Variants in CFAP161 observed in about 807,000 individuals in gnomAD.
The protein encoded by CFAP161 is cilia- and flagella-associated protein 161.
CFAP161 carries 25 observed loss-of-function variants against 29.0 expected under a neutral mutation model. The observed-to-expected ratio is 0.86, with a 90% CI of 0.63 to 1.20. CFAP161 has a LOEUF of 1.20. Among genes scored for constraint, CFAP161 ranks in the 50% most tolerant of loss-of-function variants. The probability of loss-of-function intolerance (pLI) is 0.00; values close to 1 mark genes in which losing one functional copy is unlikely to be tolerated. For synonymous variants in CFAP161, 116 were observed against 137.4 expected, an observed-to-expected ratio of 0.84 and a Z score of 1.09; for missense variants, 367 against 371.9, an observed-to-expected ratio of 0.99 and a Z score of 0.11.
intron 1 of CFAP161, among the ~76,000 whole-genome samples, chr15:81,111,790 T>A (rs1894442913): frequency 6.6e-6 from 1 of 152,198 alleles, no homozygotes; most frequent in Non-Finnish European, 1.5e-5. Flanking sequence ...CAAATCCTAT[T>A]CATCATTTCT....
upstream of CFAP161, chr15:81,134,251 G>C (rs147528679): frequency 3.0e-3 from 4,570 of 1,511,682 alleles, 30 homozygotes; most frequent in Middle Eastern, 0.02. Flanking sequence ...CCAATCGCCT[G>C]GGGCCGGGTC....
chr15:81,100,698 C>A (rs200280701), intron 1 of CFAP161, among the ~76,000 whole-genome samples: 45 of 76,922 alleles, frequency 5.9e-4, no homozygotes, highest in African/African-American at 9.4e-4. Context: ...TTTCCTCTCT[C>A]TCTCTCTTTT....
At chr15:81,125,374 G>A (rs544909940) in intron 1 of CFAP161, among the ~76,000 whole-genome samples, 1 of 152,038 alleles carries the variant, frequency 6.6e-6, no homozygotes, top group Non-Finnish European at 1.5e-5. Flanking sequence ...TCATTAAACT[G>A]ACAATATTAA....
At chr15:81,104,036 C>T (rs1894333431) in intron 1 of CFAP161, among the ~76,000 whole-genome samples, 1 of 152,118 alleles carries the variant, frequency 6.6e-6, no homozygotes, top group African/African-American at 2.4e-5. Context: ...ATTACTATCC[C>T]CATTTTCCAG....
At chr15:81,143,898 C>T (rs1894960240) in intron 5 of CFAP161, 78 bp downstream of exon 5, 4 of 1,451,268 alleles carry the variant, frequency 2.8e-6, no homozygotes, top group Non-Finnish European at 3.7e-6. Context: ...AACACACAGA[C>T]TTATAGCTCA....
At chr15:81,137,993 T>C (rs368205082) in intron 3 of CFAP161, 58 bp from the exon 4 acceptor site, 22 of 1,328,190 alleles carry the variant, frequency 1.7e-5, no homozygotes, top group Non-Finnish European at 2.2e-5. Context: ...AATAGAGTCA[T>C]AGAATGATTC....
chr15:81,138,204 T>C lies in CFAP161; in HGVS notation c.477+69T>C, dbSNP rs1205863252. The C allele has an allele frequency of 3.2e-6, 4 of 1,249,104 alleles. No individual in the cohort carries two copies. In the East Asian group the frequency reaches 7.0e-5, roughly 22 times the overall value. 77.4% of individuals were successfully genotyped at this position (1,249,104 alleles called of 1,614,324 possible). On this transcript the variant is annotated intron_variant, in intron 4 of 6. Transcript: ENST00000286732. ...GTTGCCCAAAATGGGATCATAACTATCTACTGAAGTGGACAGAGAACTCCA... is the reference window on the plus strand; with the variant it reads ...GTTGCCCAAAATGGGATCATAACTACCTACTGAAGTGGACAGAGAACTCCA...
intron 1 of CFAP161, among the ~76,000 whole-genome samples, chr15:81,103,067 C>CATGATG (rs10626158): frequency 1.1e-4 from 17 of 151,156 alleles, no homozygotes; most frequent in East Asian, 3.9e-4. Flanking sequence ...CGAGGAAGCA[C>CATGATG]ATGATGATGA....
At chr15:81,118,771 T>C (rs1253769112) in intron 1 of CFAP161, among the ~76,000 whole-genome samples, 2 of 152,246 alleles carry the variant, frequency 1.3e-5, no homozygotes, top group African/African-American at 2.4e-5. Context: ...AGAGAATGTA[T>C]TTTTATTGAA....
In CFAP161 at chr15:81,135,333, A is replaced by G. The variant is rs1294714985; in HGVS notation, c.133A>G (p.Arg45Gly). 11 of 1,595,532 alleles carry G rather than the reference A, an allele frequency of 6.9e-6. No homozygotes were observed. The highest frequency in any genetic ancestry group is 9.4e-6 in the Non-Finnish European group (11 of 1,175,268). The part of the protein sequence containing the change: ...KGKLLIQRSR[R>G]LKQNLLRPMQ... ...GAAACTTCTCATACAGAGAAGTAGA[A>G]GACTAAAACAGAATCTCTTGAGACC... Residue 45 changes from arginine (R) to glycine (G), a missense_variant, in exon 2 of 7, where the codon AGA (arginine) becomes GGA (glycine). By Grantham distance (125) the Arg-to-Gly change is moderately radical. Transcript: ENST00000286732.
intron 4 of CFAP161, among the ~76,000 whole-genome samples, chr15:81,143,386 G>A (rs141511720): frequency 5.6e-4 from 86 of 152,300 alleles, no homozygotes; most frequent in Non-Finnish European, 1.0e-3. Flanking sequence ...GGGACAGGGA[G>A]TAGGAAGGAG....
intron 1 of CFAP161, among the ~76,000 whole-genome samples, chr15:81,101,423 A>T (rs972801569): frequency 6.9e-6 from 1 of 144,928 alleles, no homozygotes; most frequent in East Asian, 2.1e-4. Flanking sequence ...GCTACTTGGG[A>T]GGCTGAGGCG....
chr15:81,102,034 A>G (rs138404189), intron 1 of CFAP161, among the ~76,000 whole-genome samples: 4 of 152,264 alleles, frequency 2.6e-5, no homozygotes, highest in Non-Finnish European at 5.9e-5. Context: ...TTGAACTGAG[A>G]TTGGCATTTA....
chr15:81,137,250 A>G (rs1250051860), intron 3 of CFAP161, among the ~76,000 whole-genome samples: 2 of 152,232 alleles, frequency 1.3e-5, no homozygotes, highest in African/African-American at 4.8e-5. Context: ...ACATGATCAC[A>G]ATTAAAAACT....
At chr15:81,147,806 C>CAAA (rs11395672) in intron 5 of CFAP161, 52 bp from the exon 6 acceptor site, 84 of 1,199,162 alleles carry the variant, frequency 7.0e-5, no homozygotes, top group African/African-American at 3.8e-4. Flanking sequence ...TCCCTAAAAG[C>CAAA]AAAAAAAAAA....
At chr15:81,121,928 C>T (rs1380929859) in intron 1 of CFAP161, among the ~76,000 whole-genome samples, 2 of 152,238 alleles carry the variant, frequency 1.3e-5, no homozygotes, top group Non-Finnish European at 2.9e-5. Flanking sequence ...CATGTGTTCT[C>T]ATCATTTAGC....
intron 5 of CFAP161, among the ~76,000 whole-genome samples, chr15:81,145,313 C>T (rs1894988698): frequency 6.6e-6 from 1 of 152,234 alleles, no homozygotes; most frequent in Non-Finnish European, 1.5e-5. Flanking sequence ...AAGCTTCGCT[C>T]TTCTGAGAAT....
At chr15:81,117,665 C>A in intron 1 of CFAP161, 1 of 277,608 alleles carries the variant, frequency 3.6e-6, no homozygotes, top group Non-Finnish European at 7.3e-6. Flanking sequence ...CTGTTTCTCT[C>A]TTCCTGTTTT....
intron 3 of CFAP161, among the ~76,000 whole-genome samples, chr15:81,137,617 GA>G (rs529684477): frequency 3.4e-4 from 52 of 152,256 alleles, no homozygotes; most frequent in African/African-American, 1.2e-3. Flanking sequence ...TTCTAATTTA[GA>G]TTTCCTTTGA....
Sources: gnomAD v4.1 joint callset for allele counts (sites outside exome capture counted in the v4.1 genomes callset) on GRCh38, gnomAD v4.1.1 for gene constraint, MANE v1.5 for transcripts, NCBI Gene and HGNC (gene_info 2026-07-23, HGNC 2026-07-21) for gene names.